SFI1: variants seen among roughly 807,000 people sequenced by gnomAD.
SFI1 encodes the protein protein SFI1 homolog.
SFI1 carries 195 observed loss-of-function variants against 207.5 expected under a neutral mutation model. The observed-to-expected ratio is 0.94, with a 90% CI of 0.84 to 1.06. SFI1 has a LOEUF of 1.06. Among genes scored for constraint, SFI1 ranks in the 50% least tolerant of loss-of-function variants. SFI1 has a pLI of 0.00. For missense variants in SFI1, 1,634 were observed against 1,588.0 expected (o/e 1.03, Z -0.49); for synonymous variants, 630 against 598.9 (o/e 1.05, Z -0.76).
At chr22:31,500,013 T>C (rs1601753523) in intron 1 of SFI1, among the ~76,000 whole-genome samples, 1 of 132,066 alleles carries the variant, frequency 7.6e-6, no homozygotes, top group Non-Finnish European at 1.6e-5. Context: ...ACATTGAAAA[T>C]GCCACAGTTG....
chr22:31,507,648 T>C (rs955773925), intron 1 of SFI1, among the ~76,000 whole-genome samples: 4 of 152,130 alleles, frequency 2.6e-5, no homozygotes, highest in African/African-American at 9.7e-5. Flanking sequence ...TTTACAACAT[T>C]ATGAGATAAA....
intron 15 of SFI1, among the ~76,000 whole-genome samples, chr22:31,601,272 C>T (rs1311681559): frequency 6.6e-6 from 1 of 151,860 alleles, no homozygotes; most frequent in East Asian, 1.9e-4. Context: ...TACAGGCGCC[C>T]ACCACCAGGC....
chr22:31,549,741 T>C (rs576823771), intron 5 of SFI1, among the ~76,000 whole-genome samples: 2 of 152,110 alleles, frequency 1.3e-5, no homozygotes, highest in Admixed American at 1.3e-4. Flanking sequence ...TCAGTGACAC[T>C]TTAAGGTATA....
intron 8 of SFI1, among the ~76,000 whole-genome samples, chr22:31,571,399 A>C (rs1260345720): frequency 6.6e-6 from 1 of 151,936 alleles, no homozygotes; most frequent in African/African-American, 2.4e-5. Context: ...TGCAGCCTCA[A>C]CCTACCAGGC....
chr22:31,591,871 C>T (rs2066011488), intron 15 of SFI1, among the ~76,000 whole-genome samples: 1 of 70,520 alleles, frequency 1.4e-5, no homozygotes, highest in Non-Finnish European at 2.6e-5. Flanking sequence ...GCGCCCCTCA[C>T]CTCCCAGACG....
rs757116838 is a variant in SFI1, at chr22:31,617,079, G to T, written c.3512+1G>T. The T allele has an allele frequency of 2.5e-6, 4 of 1,613,814 alleles. No homozygotes were observed. The highest frequency in any genetic ancestry group is 2.5e-6 in the Non-Finnish European group (3 of 1,180,024). ...ACCAGACCACCAAGCAGAACCTCTG[G>T]TGAGCCCTGCGAAACGCCCTGCAGC... is the stretch of plus-strand genomic sequence containing the variant. On this transcript the variant is annotated splice_donor_variant, in intron 31 of 32. Transcript: ENST00000400288. LOFTEE classifies it high-confidence loss of function.
chr22:31,507,293 G>A (rs917166718), intron 1 of SFI1, among the ~76,000 whole-genome samples: 1 of 152,128 alleles, frequency 6.6e-6, no homozygotes, highest in African/African-American at 2.4e-5. Flanking sequence ...TGGGAGAACT[G>A]GCTAGCCATA....
rs958970524 is a variant in SFI1 at position 31,499,903 on chromosome 22, G to A, written c.-31+3266G>A. 9.3e-5 allele frequency among the ~76,000 whole-genome samples: 14 copies of A among 150,032 alleles called. 1 individual carries two copies. The highest frequency in any genetic ancestry group is 6.0e-4 in the Admixed American group (9 of 14,886). ...CTCCAGAGGCTGAGGCAGGAGAATC[G>A]CTTGAACCCAGGAGGCGGAGGTTGC... is the stretch of plus-strand genomic sequence containing the variant. On this transcript the variant is annotated intron_variant, in intron 1 of 32. Coordinates refer to ENST00000400288, the MANE Select transcript of SFI1 (RefSeq NM_001007467.3).
intron 22 of SFI1, among the ~76,000 whole-genome samples, chr22:31,609,622 G>A (rs762704563): frequency 1.3e-5 from 2 of 152,236 alleles, no homozygotes; most frequent in Admixed American, 6.5e-5. Flanking sequence ...TGTAGCGTGT[G>A]TGTTAATGAG....
intron 10 of SFI1, among the ~76,000 whole-genome samples, chr22:31,575,608 A>G (rs2063396098): frequency 6.6e-6 from 1 of 152,236 alleles, no homozygotes; most frequent in African/African-American, 2.4e-5. Context: ...ATGAACAACT[A>G]TATATCTTAT....
chr22:31,542,745 T>A (rs1384576134), intron 4 of SFI1, among the ~76,000 whole-genome samples: 6 of 149,726 alleles, frequency 4.0e-5, no homozygotes, highest in African/African-American at 1.5e-4. Context: ...CACTCCAACC[T>A]CCACCTCCTG....
In SFI1 at chr22:31,530,967, A is replaced by C. The variant is rs930041347; in HGVS notation, c.267-91A>C. The C allele has an allele frequency of 5.7e-5, 59 of 1,026,946 alleles. No individual in the cohort carries two copies. In the African/African-American group the frequency reaches 8.9e-4, roughly 16 times the overall value. The allele number at this position is 1,026,946 out of a possible 1,614,324, so 63.6% of individuals were successfully genotyped here. ...TTCATACTAACATCCCTCTGCTGAG[A>C]CCTTAAAGGCTTCCTTTCCTTTCCA... On this transcript the variant is annotated intron_variant, in intron 3 of 32. Transcript: ENST00000400288.
At chr22:31,529,925 C>T (rs1602205030) in intron 3 of SFI1, among the ~76,000 whole-genome samples, 1 of 152,112 alleles carries the variant, frequency 6.6e-6, no homozygotes, top group South Asian at 2.1e-4. Context: ...AATCCCAGCA[C>T]TTTGGGAGGC....
intron 6 of SFI1, chr22:31,550,709 AG>A (rs1380559121): frequency 4.8e-6 from 1 of 209,266 alleles, no homozygotes; most frequent in African/African-American, 2.3e-5. Context: ...GCAGAGCTGC[AG>A]TGCTCTTTTC....
intron 14 of SFI1, 119 bp from the exon 15 acceptor site, chr22:31,589,328 T>C (rs970738508): frequency 9.9e-6 from 10 of 1,008,216 alleles, no homozygotes; most frequent in Admixed American, 3.4e-5. Flanking sequence ...AAATAATGAT[T>C]CATCTTTTTC....
intron 2 of SFI1, among the ~76,000 whole-genome samples, chr22:31,522,917 G>C (rs1490633861): frequency 6.6e-6 from 1 of 152,188 alleles, no homozygotes; most frequent in Non-Finnish European, 1.5e-5. Context: ...GACTCCCAAA[G>C]TGCTGGGATT....
chr22:31,548,665 T>A (rs1602513584), intron 5 of SFI1, among the ~76,000 whole-genome samples: 1 of 147,986 alleles, frequency 6.8e-6, no homozygotes, highest in African/African-American at 2.5e-5. Flanking sequence ...AAAAATTAGC[T>A]GGGCATGGTG....
In SFI1 at chr22:31,554,069, C is replaced by T. The variant is rs922468791; in HGVS notation, c.545-2873C>T. Among the ~76,000 whole-genome samples, 5 of 150,988 alleles carry T rather than the reference C, an allele frequency of 3.3e-5. 1 individual carries two copies. The highest frequency in any genetic ancestry group is 7.4e-5 in the Non-Finnish European group (5 of 67,812). Reference sequence around the variant, plus strand: ...CCCAGGCTGGTCTGAAACTCCTGGCCTCAAGCAGTTCTCCCACTTCGGCTT... The same window carrying T: ...CCCAGGCTGGTCTGAAACTCCTGGCTTCAAGCAGTTCTCCCACTTCGGCTT... On this transcript the variant is annotated intron_variant, in intron 6 of 32. Coordinates refer to ENST00000400288, the MANE Select transcript of SFI1 (RefSeq NM_001007467.3).
In SFI1 at chr22:31,498,305, T is replaced by A. The variant is rs548386561; in HGVS notation, c.-31+1668T>A. On this transcript the variant is annotated intron_variant, in intron 1 of 32. Coordinates refer to ENST00000400288, the MANE Select transcript of SFI1 (RefSeq NM_001007467.3). ...GTGATGAGACTCCATATCAAAAAAA[T>A]ATATATATATTTTGTGACCCCATAG... is the stretch of plus-strand genomic sequence containing the variant. 1.8e-3 allele frequency among the ~76,000 whole-genome samples: 255 copies of A among 145,518 alleles called. 2 individuals are homozygous for A. Among genetic ancestry groups the A allele is most frequent in the African/African-American group, 3.1e-3 (123 of 39,356 alleles).
Sources: gnomAD v4.1 joint callset for allele counts (sites outside exome capture counted in the v4.1 genomes callset) on GRCh38, gnomAD v4.1.1 for gene constraint, MANE v1.5 for transcripts, NCBI Gene and HGNC (gene_info 2026-07-23, HGNC 2026-07-21) for gene names.